The following TMEM229B variants were observed in gnomAD, a reference collection of about 807,000 sequenced individuals.
The protein encoded by TMEM229B is chromosome 14 open reading frame 83.
Under a neutral mutation model 13.7 loss-of-function variants are expected in TMEM229B, and 6 were observed. That is an observed-to-expected ratio of 0.44 (90% CI 0.24 to 0.86). The LOEUF (loss-of-function observed/expected upper bound fraction) is 0.86, where lower values mean the gene tolerates loss of function less well. TMEM229B is among the 40% of genes least tolerant of loss of function. The probability of loss-of-function intolerance (pLI) is 0.23; values close to 1 mark genes in which losing one functional copy is unlikely to be tolerated. For missense variants in TMEM229B, 170 were observed against 236.0 expected, an observed-to-expected ratio of 0.72 and a Z score of 1.83; for synonymous variants, 107 against 102.1, an observed-to-expected ratio of 1.05 and a Z score of -0.29.
At chr14:67,510,017 AT>A (rs907761284) in intron 1 of TMEM229B, among the ~76,000 whole-genome samples, 1 of 96,124 alleles carries the variant, frequency 1.0e-5, no homozygotes, top group Non-Finnish European at 2.8e-5. Context: ...CTCTAAAAAA[AT>A]TTTTTTATTA....
chr14:67,511,129 T>C (rs1018295557), intron 1 of TMEM229B, among the ~76,000 whole-genome samples: 3 of 151,990 alleles, frequency 2.0e-5, no homozygotes, highest in Admixed American at 1.3e-4. Flanking sequence ...GTGACAGGGG[T>C]GCCTCTTAAT....
intron 1 of TMEM229B, among the ~76,000 whole-genome samples, chr14:67,527,440 A>G (rs1355350513): frequency 6.6e-6 from 1 of 152,090 alleles, no homozygotes; most frequent in Non-Finnish European, 1.5e-5. Flanking sequence ...CTCCATCTCA[A>G]AAAAAAAGAT....
At chr14:67,489,447 C>T (rs1301051140), upstream of TMEM229B, among the ~76,000 whole-genome samples, 1 of 152,198 alleles carries the variant, frequency 6.6e-6, no homozygotes, top group Non-Finnish European at 1.5e-5. Context: ...TGAGTTTGTC[C>T]ATGCAGCTTC....
chr14:67,521,317 A>G (rs75863696), intron 1 of TMEM229B, among the ~76,000 whole-genome samples: 261 of 152,340 alleles, frequency 1.7e-3, no homozygotes, highest in African/African-American at 6.0e-3. Context: ...AAGCAAATGC[A>G]AAAGTTTACT....
At chr14:67,526,184 C>T (rs942385611) in intron 1 of TMEM229B, among the ~76,000 whole-genome samples, 1 of 152,260 alleles carries the variant, frequency 6.6e-6, no homozygotes, top group Admixed American at 6.5e-5. Context: ...TATCACCACT[C>T]TGAAAACCCC....
intron 1 of TMEM229B, among the ~76,000 whole-genome samples, chr14:67,511,354 C>A (rs1201568277): frequency 1.3e-5 from 2 of 151,102 alleles, no homozygotes; most frequent in African/African-American, 4.9e-5. Context: ...TTTAAAAAAA[C>A]AAAAAAACAA....
chr14:67,518,116 G>A (rs1594720595), upstream of TMEM229B, among the ~76,000 whole-genome samples: 4 of 152,302 alleles, frequency 2.6e-5, no homozygotes, highest in Admixed American at 2.6e-4. Context: ...TCAAGTACAG[G>A]GTGAAGGTGA....
At chr14:67,524,246 C>T (rs1464805098) in intron 1 of TMEM229B, among the ~76,000 whole-genome samples, 2 of 152,128 alleles carry the variant, frequency 1.3e-5, no homozygotes, top group Admixed American at 6.5e-5. Flanking sequence ...TGCCACCAAA[C>T]CTGGCTCTGT....
chr14:67,515,423 C>T, exon 1 of TMEM229B: 1 of 184,504 alleles, frequency 5.4e-6, no homozygotes, highest in Non-Finnish European at 1.1e-5. Flanking sequence ...GCGGCGGCGG[C>T]GGCGGCGGCG....
In TMEM229B at chr14:67,480,317, G is replaced by A. The variant is rs746053628; in HGVS notation, c.-18-6376C>T. ...CACCAAGCTAGCGAGCCAAGAAATC[G>A]GGTGGCAATAATAACCCCACATATG... On this transcript the variant is annotated intron_variant, in intron 2 of 2. Transcript: ENST00000554480. 3.9e-5 allele frequency among the ~76,000 whole-genome samples: 6 copies of A among 152,014 alleles called. No individual in the cohort carries two copies. In the South Asian group the frequency reaches 1.2e-3, roughly 32 times the overall value.
intron 1 of TMEM229B, among the ~76,000 whole-genome samples, chr14:67,533,101 G>A (rs1193487425): frequency 6.6e-6 from 1 of 152,150 alleles, no homozygotes; most frequent in Non-Finnish European, 1.5e-5. Flanking sequence ...TGCCTGGAGA[G>A]CTGAGCCCAG....
At chr14:67,528,727 C>T (rs1053630862) in intron 1 of TMEM229B, among the ~76,000 whole-genome samples, 5 of 152,054 alleles carry the variant, frequency 3.3e-5, no homozygotes, top group South Asian at 2.1e-4. Flanking sequence ...GCAGCTGCAG[C>T]GGACAGAGCA....
chr14:67,494,567 C>T (rs762223934), intron 1 of TMEM229B, among the ~76,000 whole-genome samples: 1 of 152,254 alleles, frequency 6.6e-6, no homozygotes, highest in East Asian at 1.9e-4. Context: ...CAATCGGCCC[C>T]GCCCCCACAC....
intron 1 of TMEM229B, among the ~76,000 whole-genome samples, chr14:67,513,282 T>C (rs1012213699): frequency 1.3e-4 from 20 of 152,302 alleles, no homozygotes; most frequent in African/African-American, 4.3e-4. Flanking sequence ...CAGTGGGGAA[T>C]TGAGTGAAAT....
intron 1 of TMEM229B, among the ~76,000 whole-genome samples, chr14:67,527,881 G>A (rs898236544): frequency 6.6e-6 from 1 of 152,186 alleles, no homozygotes; most frequent in African/African-American, 2.4e-5. Context: ...CAGACCTCTG[G>A]CCTCTTCCTG....
At chr14:67,513,356 T>C (rs2033090871) in intron 1 of TMEM229B, among the ~76,000 whole-genome samples, 1 of 152,208 alleles carries the variant, frequency 6.6e-6, no homozygotes, top group African/African-American at 2.4e-5. Flanking sequence ...GCTTCTCTGG[T>C]GCAGTACCTG....
upstream of TMEM229B, among the ~76,000 whole-genome samples, chr14:67,490,910 T>C (rs1229829071): frequency 6.6e-6 from 1 of 152,126 alleles, no homozygotes. Flanking sequence ...GGGGCAGATA[T>C]GCCCCCCATA....
At chr14:67,517,713 A>G (rs2033228779), upstream of TMEM229B, among the ~76,000 whole-genome samples, 2 of 152,214 alleles carry the variant, frequency 1.3e-5, no homozygotes. Flanking sequence ...AAATTTAGAT[A>G]GTAGTGCCTT....
intron 1 of TMEM229B, among the ~76,000 whole-genome samples, chr14:67,506,009 T>A (rs115081695): frequency 1.1e-3 from 166 of 152,190 alleles, no homozygotes; most frequent in African/African-American, 3.9e-3. Context: ...TGATAATTTG[T>A]TCTTTTCAAG....
Sources: gnomAD v4.1 joint callset for allele counts (sites outside exome capture counted in the v4.1 genomes callset) on GRCh38, gnomAD v4.1.1 for gene constraint, MANE v1.5 for transcripts, NCBI Gene and HGNC (gene_info 2026-07-23, HGNC 2026-07-21) for gene names.